Variants in TTC29 observed in about 807,000 individuals in gnomAD.
TTC29 encodes the protein tetratricopeptide repeat protein 29.
A neutral mutation model predicts 58.1 loss-of-function variants in TTC29; 49 were observed. The observed-to-expected ratio is 0.84, with a 90% CI of 0.67 to 1.07. The LOEUF (loss-of-function observed/expected upper bound fraction) is 1.07. TTC29 is among the 50% of genes least tolerant of loss of function. The pLI, the probability that TTC29 is intolerant of heterozygous loss-of-function variation, is 0.00. For missense variants in TTC29, 582 were observed against 555.6 expected (o/e 1.05, Z -0.48); for synonymous variants, 209 against 196.8 (o/e 1.06, Z -0.52).
intron 11 of TTC29, among the ~76,000 whole-genome samples, chr4:146,731,584 T>TA (rs887477977): frequency 5.9e-5 from 9 of 152,080 alleles, no homozygotes; most frequent in Middle Eastern, 6.8e-3. Flanking sequence ...TTTAAGCTGC[T>TA]AAAAAAAAGT....
intron 6 of TTC29, among the ~76,000 whole-genome samples, chr4:146,884,006 G>A (rs556867723): frequency 6.6e-6 from 1 of 152,144 alleles, no homozygotes; most frequent in South Asian, 2.1e-4. Flanking sequence ...TCCATTCAAA[G>A]ATCTTGGACT....
In TTC29 at chr4:146,909,139, T is replaced by C; in HGVS notation, c.287A>G (p.Glu96Gly). 1 of 1,613,726 alleles carries C rather than the reference T, an allele frequency of 6.2e-7. No individual in the cohort carries two copies. The highest frequency in any genetic ancestry group is 8.5e-7 in the Non-Finnish European group (1 of 1,179,832). Residue 96 changes from glutamate (E) to glycine (G), a missense_variant, in exon 5 of 13, where the codon GAG (glutamate) becomes GGG (glycine). Glu to Gly is a moderately conservative substitution (Grantham distance 98). Transcript: ENST00000325106. ...ALMERWDALR[E>G]AARVRSLFWL... is the part of the protein sequence containing the mutation. ...GAAGAGGGACCTGACTCTCGCAGCC[T>C]CCCTCAGGGCATCCCACCGCTCCAT... is the stretch of plus-strand genomic sequence containing the variant.
At chr4:146,913,223 A>G (rs1379166747) in intron 4 of TTC29, among the ~76,000 whole-genome samples, 1 of 152,154 alleles carries the variant, frequency 6.6e-6, no homozygotes, top group African/African-American at 2.4e-5. Flanking sequence ...GGCCAAAATG[A>G]AGAAAATTAT....
At chr4:146,804,734 GT>G (rs1750481378) in intron 10 of TTC29, among the ~76,000 whole-genome samples, 1 of 152,224 alleles carries the variant, frequency 6.6e-6, no homozygotes, top group African/African-American at 2.4e-5. Flanking sequence ...AGCAGCCCCA[GT>G]CAGGGGCTTA....
At chr4:146,797,000 G>GA (rs77571650) in intron 11 of TTC29, among the ~76,000 whole-genome samples, 3 of 150,024 alleles carry the variant, frequency 2.0e-5, no homozygotes, top group Non-Finnish European at 1.5e-5. Flanking sequence ...TGTAATCTAA[G>GA]AAAAAAAAAG....
intron 8 of TTC29, among the ~76,000 whole-genome samples, chr4:146,847,584 C>T (rs1207960713): frequency 1.3e-5 from 2 of 152,112 alleles, no homozygotes; most frequent in African/African-American, 2.4e-5. Flanking sequence ...TGCGGCTCTT[C>T]ATCTTGAGAA....
intron 11 of TTC29, among the ~76,000 whole-genome samples, chr4:146,737,595 G>GA (rs59944016): frequency 4.1e-5 from 6 of 147,190 alleles, no homozygotes; most frequent in South Asian, 4.3e-4. Context: ...AGCCCTGGGG[G>GA]GGGGGGGGCT....
rs79320313 is a variant in TTC29 at position 146,886,149 on chromosome 4, T to C, written c.587-11221A>G. Among the ~76,000 whole-genome samples the C allele has an allele frequency of 3.9e-3, 596 of 152,296 alleles. 5 individuals are homozygous for C. The highest frequency in any genetic ancestry group is 0.014 in the African/African-American group (568 of 41,568). Reference sequence around the variant, plus strand: ...ACTGATGCTGTCTCCTCTGCTGTAATGTCTGATAATCATCCTTTCTTTCAA... The same window carrying C: ...ACTGATGCTGTCTCCTCTGCTGTAACGTCTGATAATCATCCTTTCTTTCAA... On this transcript the variant is annotated intron_variant, in intron 6 of 12. Transcript: ENST00000325106.
In TTC29 at chr4:146,912,329, A is replaced by AT. The variant is rs1308929643; in HGVS notation, c.177-3081dup. On this transcript the variant is annotated intron_variant, in intron 4 of 12. Transcript: ENST00000325106. ...TTTAACATCAGATAAACAATGAATGATTTTTTTATTAGCAGTATTCCCCAA... is the reference window on the plus strand; with the variant it reads ...TTTAACATCAGATAAACAATGAATGATTTTTTTTATTAGCAGTATTCCCCAA... 2.0e-5 allele frequency among the ~76,000 whole-genome samples: 3 copies of AT among 152,120 alleles called. 1 individual carries two copies. Among genetic ancestry groups the AT allele is most frequent in the Non-Finnish European group, 2.9e-5 (2 of 68,018 alleles).
At chr4:146,822,832 G>T (rs1751937917) in intron 9 of TTC29, among the ~76,000 whole-genome samples, 1 of 152,148 alleles carries the variant, frequency 6.6e-6, no homozygotes, top group Non-Finnish European at 1.5e-5. Flanking sequence ...TTGCGGTTTT[G>T]ATTTGCATTT....
intron 11 of TTC29, among the ~76,000 whole-genome samples, chr4:146,715,118 A>G (rs1350726514): frequency 6.6e-6 from 1 of 151,994 alleles, no homozygotes; most frequent in Non-Finnish European, 1.5e-5. Flanking sequence ...GATGACAGGC[A>G]TGAGCTAACA....
rs370695118 is a variant in TTC29, at chr4:146,888,959, AAG to A, written c.587-14033_587-14032del. On this transcript the variant is annotated intron_variant, in intron 6 of 12. Transcript: ENST00000325106. ...GTTAATTAGCTAATGGCAGTGTCAA[AAG>A]AGAGTCTAGGTTTACTACCCAGTCT... is the stretch of plus-strand genomic sequence containing the variant. Among the ~76,000 whole-genome samples, 63 of 152,288 alleles carry A rather than the reference AAG, an allele frequency of 4.1e-4. No individual in the cohort carries two copies. In the East Asian group the frequency reaches 0.01, roughly 24 times the overall value.
At chr4:146,804,315 T>C (rs1278602577) in intron 10 of TTC29, among the ~76,000 whole-genome samples, 2 of 152,032 alleles carry the variant, frequency 1.3e-5, no homozygotes, top group African/African-American at 4.8e-5. Context: ...GCTGTTTGGG[T>C]AGACACTGAG....
At chr4:146,714,045 C>A (rs140417658) in intron 11 of TTC29, among the ~76,000 whole-genome samples, 1 of 152,226 alleles carries the variant, frequency 6.6e-6, no homozygotes, top group African/African-American at 2.4e-5. Context: ...CAGATTGACT[C>A]TTTTCCTAAA....
At chr4:146,811,562 A>G (rs1039082530) in intron 10 of TTC29, among the ~76,000 whole-genome samples, 2 of 152,028 alleles carry the variant, frequency 1.3e-5, no homozygotes, top group Non-Finnish European at 2.9e-5. Context: ...ATGCATGTGC[A>G]CTCTTTTGAA....
intron 10 of TTC29, among the ~76,000 whole-genome samples, chr4:146,814,277 A>T: frequency 6.6e-6 from 1 of 152,144 alleles, no homozygotes; most frequent in East Asian, 1.9e-4. Flanking sequence ...GGATAATTCA[A>T]ATACAGTAAT....
intron 4 of TTC29, among the ~76,000 whole-genome samples, chr4:146,927,974 T>A (rs1348634726): frequency 6.6e-6 from 1 of 152,096 alleles, no homozygotes; most frequent in East Asian, 1.9e-4. Context: ...TGTAGTCAAG[T>A]ATAGGAAACA....
intron 11 of TTC29, among the ~76,000 whole-genome samples, chr4:146,722,925 T>C (rs1274437446): frequency 6.6e-6 from 1 of 152,110 alleles, no homozygotes; most frequent in Non-Finnish European, 1.5e-5. Context: ...CTCAAACTCC[T>C]GAGCTCAAGC....
At chr4:146,809,902 C>G (rs1213421068) in intron 10 of TTC29, among the ~76,000 whole-genome samples, 1 of 150,832 alleles carries the variant, frequency 6.6e-6, no homozygotes, top group Non-Finnish European at 1.5e-5. Flanking sequence ...ACCCAGCAAT[C>G]CCATTACTGG....
Sources: gnomAD v4.1 joint callset for allele counts (sites outside exome capture counted in the v4.1 genomes callset) on GRCh38, gnomAD v4.1.1 for gene constraint, MANE v1.5 for transcripts, NCBI Gene and HGNC (gene_info 2026-07-23, HGNC 2026-07-21) for gene names.